The following ANK1 variants were observed in gnomAD, a reference collection of about 807,000 sequenced individuals.
ANK1 encodes ankyrin 1, also known as ankyrin-1.
A neutral mutation model predicts 210.4 loss-of-function variants in ANK1; 51 were observed. The observed-to-expected ratio is 0.24, with a 90% confidence interval of 0.19 to 0.31. The LOEUF is 0.31. Ranked by LOEUF, ANK1 falls within the 10% of genes least tolerant of loss-of-function variation. ANK1 has a pLI of 1.00. For missense variants in ANK1, 2,051 were observed against 2,504.4 expected, an observed-to-expected ratio of 0.82 and a Z score of 3.86; for synonymous variants, 967 against 1,025.9, an observed-to-expected ratio of 0.94 and a Z score of 1.10.
Position 41,688,805 on chromosome 8 carries a change from C to G in ANK1, c.4105-216G>C, listed in dbSNP as rs555155481. 2.6e-5 allele frequency among the ~76,000 whole-genome samples: 4 copies of G among 152,280 alleles called. No individual in the cohort carries two copies. In the South Asian group the frequency reaches 6.2e-4, roughly 24 times the overall value. Reference sequence around the variant, plus strand: ...GCGCACATGCGTTATTAATCACAGTCGTAATAACGGCAAGCCCACGTCACC... The same window carrying G: ...GCGCACATGCGTTATTAATCACAGTGGTAATAACGGCAAGCCCACGTCACC... On this transcript the variant is annotated intron_variant, in intron 33 of 42. Coordinates refer to ENST00000289734, the MANE Select transcript of ANK1 (RefSeq NM_000037.4).
chr8:41,822,306 A>G (rs1037879512), intron 1 of ANK1, among the ~76,000 whole-genome samples: 3 of 152,180 alleles, frequency 2.0e-5, no homozygotes, highest in Non-Finnish European at 4.4e-5. Flanking sequence ...TACACGTCCA[A>G]GCTCACTCAG....
chr8:41,695,761 G>A (rs766472085), intron 26 of ANK1, among the ~76,000 whole-genome samples: 17 of 152,384 alleles, frequency 1.1e-4, no homozygotes, highest in African/African-American at 2.2e-4. Context: ...GGTGGTGACC[G>A]CTCTGAGGGG....
At position 41,684,634 on chromosome 8, in the gene ANK1, G is replaced by T. The variant is rs753599962; in HGVS notation, c.4447C>A (p.Leu1483Met). 4.6e-5 allele frequency: 74 copies of T among 1,613,862 alleles called. No individual in the cohort carries two copies. Among genetic ancestry groups the T allele is most frequent in the Non-Finnish European group, 6.3e-5 (74 of 1,180,016 alleles). Residue 1483 changes from leucine (L) to methionine (M), a missense_variant, in exon 37 of 43, where the codon CTG (leucine) becomes ATG (methionine). Around this residue, in one of 6 missense-constraint regions of ANK1, gnomAD observed 496 missense variants for 533.4 expected, o/e 0.93. Coordinates refer to ENST00000289734, the MANE Select transcript of ANK1 (RefSeq NM_000037.4). ...SIDRGEIVNM[L>M]EGSGRQSRNL... ...CGGCTCTGTCGGCCGGAACCCTCCAGCATGTTCACGATCTCGCCACGGTCA... is the reference window on the plus strand; with the variant it reads ...CGGCTCTGTCGGCCGGAACCCTCCATCATGTTCACGATCTCGCCACGGTCA...
intron 37 of ANK1, among the ~76,000 whole-genome samples, chr8:41,682,955 AG>A (rs1332920703): frequency 1.3e-5 from 2 of 152,102 alleles, no homozygotes; most frequent in Non-Finnish European, 2.9e-5. Context: ...CCCTGAGGGG[AG>A]GCTGGAATCC....
intron 1 of ANK1, among the ~76,000 whole-genome samples, chr8:41,886,808 T>C (rs759434038): frequency 2.6e-5 from 4 of 152,184 alleles, no homozygotes; most frequent in Non-Finnish European, 5.9e-5. Flanking sequence ...CTGGACTTCA[T>C]TCTAAGGGCA....
intron 1 of ANK1, among the ~76,000 whole-genome samples, chr8:41,779,589 C>A (rs955529429): frequency 1.3e-5 from 2 of 151,900 alleles, no homozygotes; most frequent in African/African-American, 4.8e-5. Context: ...CAGTTAGAGG[C>A]ACTGGTGGAG....
intron 16 of ANK1, among the ~76,000 whole-genome samples, chr8:41,710,025 T>C (rs1825714598): frequency 1.3e-5 from 2 of 152,218 alleles, no homozygotes; most frequent in African/African-American, 4.8e-5. Flanking sequence ...ATGAAGAAGC[T>C]TGCCTCAAAA....
chr8:41,709,116 G>GCAAA, intron 16 of ANK1, 141 bp from the exon 17 acceptor site: 1 of 578,328 alleles, frequency 1.7e-6, no homozygotes, highest in Non-Finnish European at 2.7e-6. Context: ...AGCAATTTAG[G>GCAAA]TAAACAAACA....
intron 16 of ANK1, among the ~76,000 whole-genome samples, chr8:41,712,594 T>G (rs998557893): frequency 1.3e-5 from 2 of 152,150 alleles, no homozygotes; most frequent in Admixed American, 1.3e-4. Context: ...GGCTCTTCTT[T>G]CCCAAGGAAA....
At chr8:41,714,304 C>G (rs1352821942) in intron 15 of ANK1, 50 bp from the exon 16 acceptor site, 1 of 1,424,372 alleles carries the variant, frequency 7.0e-7, no homozygotes, top group South Asian at 1.4e-5. Context: ...CACGGACTTT[C>G]TCCCAGGACT....
At chr8:41,727,441 C>G (rs991838484) in intron 4 of ANK1, 93 bp from the exon 5 acceptor site, 5 of 888,716 alleles carry the variant, frequency 5.6e-6, no homozygotes, top group Non-Finnish European at 9.3e-6. Flanking sequence ...GGACAGCGCT[C>G]TCTTCATTCC....
chr8:41,691,361 C>T (rs528794834), intron 31 of ANK1, among the ~76,000 whole-genome samples: 2 of 152,336 alleles, frequency 1.3e-5, no homozygotes, highest in South Asian at 4.1e-4. Context: ...TTATCACTAA[C>T]TCATTTGACA....
chr8:41,699,318 G>A, intron 23 of ANK1, 134 bp downstream of exon 23: 2 of 848,214 alleles, frequency 2.4e-6, no homozygotes, highest in Non-Finnish European at 4.0e-6. Flanking sequence ...ATCCTAAGGT[G>A]CAAACCGTCT....
intron 1 of ANK1, among the ~76,000 whole-genome samples, chr8:41,876,205 G>T (rs1816569241): frequency 6.6e-6 from 1 of 152,290 alleles, no homozygotes; most frequent in Admixed American, 6.5e-5. Context: ...GCCCTGTCTG[G>T]CCTCACCAGC....
At chr8:41,839,403 A>G (rs1349505213) in intron 1 of ANK1, among the ~76,000 whole-genome samples, 1 of 152,244 alleles carries the variant, frequency 6.6e-6, no homozygotes, top group Non-Finnish European at 1.5e-5. Context: ...CCGCCCACTC[A>G]TTACACCTGC....
At chr8:41,705,133 C>T (rs1824209053) in intron 18 of ANK1, among the ~76,000 whole-genome samples, 1 of 152,246 alleles carries the variant, frequency 6.6e-6, no homozygotes, top group Non-Finnish European at 1.5e-5. Flanking sequence ...GTCTGTCCTG[C>T]TGAATTTTGT....
chr8:41,879,359 A>G (rs1291922466), intron 1 of ANK1, among the ~76,000 whole-genome samples: 1 of 152,204 alleles, frequency 6.6e-6, no homozygotes, highest in Admixed American at 6.5e-5. Flanking sequence ...AATATAAGGG[A>G]TTACTATTAT....
intron 1 of ANK1, among the ~76,000 whole-genome samples, chr8:41,892,977 C>T (rs1351264830): frequency 6.6e-6 from 1 of 152,084 alleles, no homozygotes; most frequent in Non-Finnish European, 1.5e-5. Context: ...TGGGGTCTCA[C>T]CGTGTTGCAG....
chr8:41,888,692 A>G (rs1818879228), intron 1 of ANK1, among the ~76,000 whole-genome samples: 1 of 152,280 alleles, frequency 6.6e-6, no homozygotes, highest in South Asian at 2.1e-4. Context: ...TGTGGTGAAC[A>G]GAGAATCTCC....
Sources: allele counts gnomAD v4.1 joint callset (sites outside exome capture counted in the v4.1 genomes callset), GRCh38; gene constraint gnomAD v4.1.1; regional missense constraint gnomAD v4.1.1; transcripts MANE v1.5; gene names NCBI Gene and HGNC (gene_info 2026-07-23, HGNC 2026-07-21).